WHRN: variants seen among roughly 807,000 people sequenced by gnomAD.
WHRN encodes the protein CASK-interacting protein CIP98.
A neutral mutation model predicts 68.3 loss-of-function variants in WHRN; 41 were observed. The ratio of observed to expected loss-of-function variants is 0.60; its 90% CI spans 0.47 to 0.78. WHRN has a LOEUF of 0.78. Ranked by LOEUF, WHRN falls within the 30% of genes least tolerant of loss-of-function variation. WHRN has a pLI of 0.00. For missense variants in WHRN, 1,243 were observed against 1,244.7 expected, an observed-to-expected ratio of 1.00 and a Z score of 0.02; for synonymous variants, 560 against 561.3, an observed-to-expected ratio of 1.00 and a Z score of 0.03.
intron 1 of WHRN, among the ~76,000 whole-genome samples, chr9:114,485,829 A>T (rs982369866): frequency 2.0e-5 from 3 of 152,074 alleles, no homozygotes; most frequent in Non-Finnish European, 4.4e-5. Flanking sequence ...ACATGGTGAG[A>T]CGCCACAAAA....
chr9:114,502,833 G>A (rs1844044630), intron 1 of WHRN, among the ~76,000 whole-genome samples: 1 of 152,100 alleles, frequency 6.6e-6, no homozygotes, highest in Non-Finnish European at 1.5e-5. Context: ...ACCATTTAAG[G>A]CCAAGGCTAA....
chr9:114,423,506 C>T lies in WHRN; in HGVS notation c.1434G>A (p.Glu478=), dbSNP rs753918358. ...CTTGCGGGGAAATGGTGCCTCTCACCTCAGAGAGGAGTGAGAACTGGAGGC... is the reference window on the plus strand; with the variant it reads ...CTTGCGGGGAAATGGTGCCTCTCACTTCAGAGAGGAGTGAGAACTGGAGGC... ...NTHAKFSLLS[E]VRGTISPQDL... The change falls in exon 7 of 12, where the codon GAG becomes GAA. Residue 478 remains glutamate (E), a synonymous_variant. Coordinates refer to ENST00000362057, the MANE Select transcript of WHRN (RefSeq NM_015404.4). 6.2e-6 allele frequency: 10 copies of T among 1,609,684 alleles called. No individual in the cohort carries two copies. The East Asian group carries it at 8.9e-5, about 14-fold the overall frequency.
intron 3 of WHRN, among the ~76,000 whole-genome samples, chr9:114,463,377 T>A (rs1252477987): frequency 6.6e-6 from 1 of 152,184 alleles, no homozygotes; most frequent in East Asian, 1.9e-4. Flanking sequence ...CTCCACCTAT[T>A]CAAAATCTTT....
intron 1 of WHRN, among the ~76,000 whole-genome samples, chr9:114,494,063 TG>T (rs35693857): frequency 6.6e-6 from 1 of 152,222 alleles, no homozygotes; most frequent in Non-Finnish European, 1.5e-5. Context: ...GTGCCCGTGA[TG>T]GGTCACCTCC....
intron 3 of WHRN, among the ~76,000 whole-genome samples, chr9:114,455,350 G>T (rs993259241): frequency 6.6e-6 from 1 of 151,992 alleles, no homozygotes; most frequent in African/African-American, 2.4e-5. Context: ...AAGTAGCCGG[G>T]ACTATAGGCA....
rs949906814 is a variant in WHRN, at chr9:114,424,202, C to G, written c.1416+132G>C. On this transcript the variant is annotated intron_variant, in intron 6 of 11. Coordinates refer to ENST00000362057, the MANE Select transcript of WHRN (RefSeq NM_015404.4). ...GCATCCTGGGGGCAGGAGGCTGCCT[C>G]AGTCCCAGGTCTCTGCCCAGTGTTC... The G allele has an allele frequency of 5.6e-6, 6 of 1,066,732 alleles. No individual in the cohort carries two copies. In the African/African-American group the frequency reaches 6.2e-5, roughly 11 times the overall value. 66.1% of individuals were successfully genotyped at this position (1,066,732 alleles called of 1,614,324 possible).
At chr9:114,433,959 C>T (rs1206447060) in intron 3 of WHRN, among the ~76,000 whole-genome samples, 2 of 152,210 alleles carry the variant, frequency 1.3e-5, no homozygotes, top group African/African-American at 4.8e-5. Context: ...CACAGGAAGC[C>T]TCAATGAAGG....
In WHRN at chr9:114,406,440, T is replaced by C; in HGVS notation, c.2151A>G (p.Thr717=). Residue 717 remains threonine, a synonymous_variant, in exon 9 of 12, where the codon ACA becomes ACG. Transcript: ENST00000362057. The stretch of plus-strand genomic sequence containing the variant: ...CCTCCACCATGACAAAGTGCTGGTT[T>C]GTGCCTGTCTGGTCTGGGTGGCCAG... ...SPSGHPDQTG[T]NQHFVMVEVH... 1 of 1,614,116 alleles carries C rather than the reference T, an allele frequency of 6.2e-7. No individual in the cohort carries two copies. The highest frequency in any genetic ancestry group is 8.5e-7 in the Non-Finnish European group (1 of 1,180,026).
intron 3 of WHRN, among the ~76,000 whole-genome samples, chr9:114,456,493 C>T (rs185525086): frequency 7.9e-5 from 12 of 152,232 alleles, no homozygotes; most frequent in Admixed American, 2.6e-4. Context: ...CGTATATAAA[C>T]ACTGTACTTC....
At chr9:114,448,827 C>T (rs1839064247) in intron 3 of WHRN, among the ~76,000 whole-genome samples, 1 of 152,198 alleles carries the variant, frequency 6.6e-6, no homozygotes, top group South Asian at 2.1e-4. Context: ...CGGCTGCAGA[C>T]ATCATGGAGC....
chr9:114,425,722 G>A (rs980273069), intron 4 of WHRN: 16 of 247,298 alleles, frequency 6.5e-5, no homozygotes, highest in South Asian at 5.2e-4. Context: ...AAGATCAAAA[G>A]GTGACACATT....
chr9:114,482,308 C>G (rs1248206105), intron 1 of WHRN, among the ~76,000 whole-genome samples: 1 of 152,188 alleles, frequency 6.6e-6, no homozygotes, highest in Non-Finnish European at 1.5e-5. Context: ...CAGGCATTCT[C>G]CTGCACCCAC....
At chr9:114,447,838 T>G (rs552737787) in intron 3 of WHRN, among the ~76,000 whole-genome samples, 13 of 152,182 alleles carry the variant, frequency 8.5e-5, no homozygotes, top group Non-Finnish European at 1.3e-4. Context: ...ATATGCATTT[T>G]AAACTGCCCA....
chr9:114,446,854 A>C (rs1363208712), intron 3 of WHRN, among the ~76,000 whole-genome samples: 2 of 152,000 alleles, frequency 1.3e-5, no homozygotes, highest in Non-Finnish European at 2.9e-5. Flanking sequence ...GCCAGCCAGG[A>C]GCTCTTGGAA....
intron 1 of WHRN, among the ~76,000 whole-genome samples, chr9:114,488,547 C>G (rs1564221005): frequency 1.3e-5 from 2 of 152,072 alleles, no homozygotes; most frequent in South Asian, 4.1e-4. Flanking sequence ...CCAAGACAGA[C>G]AGGGGAGGGT....
At chr9:114,412,575 TC>T (rs1451464595) in intron 7 of WHRN, among the ~76,000 whole-genome samples, 10 of 152,196 alleles carry the variant, frequency 6.6e-5, no homozygotes, top group African/African-American at 2.4e-4. Context: ...CGACTCCATA[TC>T]CCCGACAAAA....
At chr9:114,466,936 G>T (rs77557248) in intron 2 of WHRN, among the ~76,000 whole-genome samples, 230 of 150,432 alleles carry the variant, frequency 1.5e-3, no homozygotes, top group African/African-American at 5.5e-3. Flanking sequence ...CATCTCAGGG[G>T]TCTCCTGTCA....
chr9:114,434,653 C>T (rs145021236), intron 3 of WHRN, among the ~76,000 whole-genome samples: 44 of 152,344 alleles, frequency 2.9e-4, no homozygotes, highest in African/African-American at 1.0e-3. Flanking sequence ...CCTCCATCTT[C>T]ACTAACTCCA....
intron 7 of WHRN, among the ~76,000 whole-genome samples, chr9:114,419,836 C>CTGGGATTTGAATGGA (rs1298403791): frequency 6.6e-6 from 1 of 152,178 alleles, no homozygotes; most frequent in Admixed American, 6.5e-5. Context: ...AGTGGCAGAG[C>CTGGGATTTGAATGGA]TGGGATTTGA....
Sources: gnomAD v4.1 joint callset for allele counts (sites outside exome capture counted in the v4.1 genomes callset) on GRCh38, gnomAD v4.1.1 for gene constraint, MANE v1.5 for transcripts, NCBI Gene and HGNC (gene_info 2026-07-23, HGNC 2026-07-21) for gene names.